The following ANKRD30B variants were observed in gnomAD, a reference collection of about 807,000 sequenced individuals.
ANKRD30B encodes the protein ankyrin repeat domain 30B.
A neutral mutation model predicts 202.2 loss-of-function variants in ANKRD30B; 144 were observed. That is an observed-to-expected ratio of 0.71 (90% CI 0.62 to 0.82). ANKRD30B has a LOEUF of 0.82. Ranked by LOEUF, ANKRD30B falls within the 40% of genes least tolerant of loss-of-function variation. The pLI is 0.00. For synonymous variants in ANKRD30B, 508 were observed against 561.3 expected, an observed-to-expected ratio of 0.91 and a Z score of 1.34; for missense variants, 1,487 against 1,669.1, an observed-to-expected ratio of 0.89 and a Z score of 1.90.
chr18:14,885,236 T>C, the ANKRD30B span, among the ~76,000 whole-genome samples: 1 of 152,044 alleles, frequency 6.6e-6, no homozygotes, highest in Non-Finnish European at 1.5e-5. Flanking sequence ...TCTTTAGCCT[T>C]GTGTTATTTA....
chr18:14,860,709 A>T, the ANKRD30B span, among the ~76,000 whole-genome samples: 8 of 149,302 alleles, frequency 5.4e-5, no homozygotes, highest in Non-Finnish European at 1.2e-4. Flanking sequence ...CCATCCAATA[A>T]TTTTTTTTTT....
intron 32 of ANKRD30B, among the ~76,000 whole-genome samples, chr18:14,823,574 C>T (rs1970542213): frequency 6.6e-6 from 1 of 152,016 alleles, no homozygotes; most frequent in South Asian, 2.1e-4. Flanking sequence ...AAGCGTGACT[C>T]TAAAGCACTT....
chr18:14,922,587 A>G, the ANKRD30B span, among the ~76,000 whole-genome samples: 36 of 150,726 alleles, frequency 2.4e-4, no homozygotes, highest in Non-Finnish European at 4.7e-4. Context: ...CCTGGGAGGC[A>G]GAGCTTGCAG....
chr18:14,808,400 CA>C, intron 24 of ANKRD30B, 150 bp from the exon 25 acceptor site: 1 of 819,792 alleles, frequency 1.2e-6, no homozygotes, highest in Non-Finnish European at 2.1e-6. Context: ...GGCATGTTAA[CA>C]AATACAAAAA....
At chr18:14,907,453 TGGGCAGTGATGTCCCACCC>T in the ANKRD30B span, among the ~76,000 whole-genome samples, 18 of 152,166 alleles carry the variant, frequency 1.2e-4, no homozygotes, top group Non-Finnish European at 1.5e-5. Flanking sequence ...TGTCAGGCCC[TGGGCAGTGATGTCCCACCC>T]GGGCCTGGAG....
intron 32 of ANKRD30B, among the ~76,000 whole-genome samples, chr18:14,825,550 T>C (rs1970623427): frequency 6.6e-6 from 1 of 151,814 alleles, no homozygotes; most frequent in South Asian, 2.1e-4. Flanking sequence ...AGATATTTGC[T>C]CTATTGCTAC....
the ANKRD30B span, among the ~76,000 whole-genome samples, chr18:14,897,441 A>C: frequency 6.6e-6 from 1 of 152,146 alleles, no homozygotes; most frequent in Admixed American, 6.5e-5. Context: ...TCAGCCTCCC[A>C]AAGTGTTGGG....
chr18:14,773,924 G>A (rs1967186898), intron 9 of ANKRD30B, among the ~76,000 whole-genome samples: 1 of 152,094 alleles, frequency 6.6e-6, no homozygotes, highest in Non-Finnish European at 1.5e-5. Flanking sequence ...AAAGTGCTGG[G>A]ATTACAGCTT....
chr18:14,796,681 T>A (rs1344255377), intron 18 of ANKRD30B, among the ~76,000 whole-genome samples: 1 of 152,060 alleles, frequency 6.6e-6, no homozygotes, highest in East Asian at 1.9e-4. Context: ...TGTTCCCAGG[T>A]GGATCGGCAG....
chr18:14,913,404 G>T, the ANKRD30B span, among the ~76,000 whole-genome samples: 1 of 152,074 alleles, frequency 6.6e-6, no homozygotes, highest in Non-Finnish European at 1.5e-5. Flanking sequence ...ACAGAAGAGG[G>T]AATTTTATGA....
At chr18:14,908,501 C>T in the ANKRD30B span, among the ~76,000 whole-genome samples, 19 of 152,146 alleles carry the variant, frequency 1.2e-4, no homozygotes, top group Admixed American at 6.5e-5. Flanking sequence ...CCTCAGCATC[C>T]GAGGAGATGT....
chr18:14,934,708 A>G, the ANKRD30B span, among the ~76,000 whole-genome samples: 1 of 152,066 alleles, frequency 6.6e-6, no homozygotes, highest in Non-Finnish European at 1.5e-5. Flanking sequence ...GAACGTTGGG[A>G]ATATTCAAGG....
chr18:14,779,000 A>T (rs1240069646), intron 10 of ANKRD30B, among the ~76,000 whole-genome samples: 1 of 152,188 alleles, frequency 6.6e-6, no homozygotes, highest in Non-Finnish European at 1.5e-5. Flanking sequence ...AAGTGTTGGG[A>T]AAATTGATTT....
the ANKRD30B span, among the ~76,000 whole-genome samples, chr18:14,918,236 T>G: frequency 6.6e-6 from 1 of 152,174 alleles, no homozygotes; most frequent in Non-Finnish European, 1.5e-5. Flanking sequence ...AGCCCTTAGA[T>G]ATATGATAAT....
At chr18:14,908,739 G>A in the ANKRD30B span, among the ~76,000 whole-genome samples, 2 of 152,328 alleles carry the variant, frequency 1.3e-5, no homozygotes, top group South Asian at 4.1e-4. Flanking sequence ...GTGAATGAGA[G>A]TGCTGGAGGG....
rs1491332509 is a variant in ANKRD30B, at chr18:14,826,678, C to CTG, written c.2744-1599_2744-1598insGT. Among the ~76,000 whole-genome samples the CTG allele has an allele frequency of 9.9e-5, 8 of 80,888 alleles. No individual in the cohort carries two copies. In the East Asian group the frequency reaches 5.7e-3, roughly 57 times the overall value. 53.1% of individuals were successfully genotyped at this position (80,888 alleles called of 152,430 possible). A position where few individuals can be genotyped will look rare whatever the true frequency, so the allele number is the denominator to read the frequency against. Reference sequence around the variant, plus strand: ...TGTTTCTCTCTCTCTCTCTCTCCCCCTCTCTCTCTCTCTCTCACACACACA... The same window carrying CTG: ...TGTTTCTCTCTCTCTCTCTCTCCCCCTGTCTCTCTCTCTCTCTCACACACACA... On this transcript the variant is annotated intron_variant, in intron 32 of 43. Coordinates refer to ENST00000690538, the MANE Select transcript of ANKRD30B (RefSeq NM_001367607.2).
the ANKRD30B span, among the ~76,000 whole-genome samples, chr18:14,896,965 C>CAA: frequency 2.2e-3 from 242 of 108,014 alleles, no homozygotes; most frequent in African/African-American, 3.8e-3. Context: ...ATGCCAATTG[C>CAA]AAAAAAAAAA....
chr18:14,761,870 G>C (rs1915313690), intron 6 of ANKRD30B, among the ~76,000 whole-genome samples: 1 of 152,152 alleles, frequency 6.6e-6, no homozygotes, highest in African/African-American at 2.4e-5. Context: ...GAGTTAGGGT[G>C]CTGATCCCCC....
chr18:14,831,325 CA>C (rs1430138061), intron 33 of ANKRD30B, 57 bp from the exon 34 acceptor site: 7 of 1,202,854 alleles, frequency 5.8e-6, no homozygotes, highest in Non-Finnish European at 7.1e-6. Flanking sequence ...TATGAACTGG[CA>C]GGTTTTCTTT....
Sources: allele counts gnomAD v4.1 joint callset (sites outside exome capture counted in the v4.1 genomes callset), GRCh38; gene constraint gnomAD v4.1.1; transcripts MANE v1.5; gene names NCBI Gene and HGNC (gene_info 2026-07-23, HGNC 2026-07-21).